Variants in POU5F1B observed in about 807,000 individuals in gnomAD.
POU5F1B encodes POU domain, class 5, transcription factor 1B.
Under a neutral mutation model 28.1 loss-of-function variants are expected in POU5F1B, and 24 were observed. That is an observed-to-expected ratio of 0.85 (90% confidence interval 0.62 to 1.20). The LOEUF is 1.20. POU5F1B is among the 50% of genes most tolerant of loss of function. The pLI is 0.00. For synonymous variants in POU5F1B, 220 were observed against 193.2 expected (o/e 1.14, Z -1.15); for missense variants, 451 against 451.5 (o/e 1.00, Z 0.01).
chr8:127,415,044 G>C (rs1438437330), intron 2 of POU5F1B: 1 of 152,282 alleles, frequency 6.6e-6, no homozygotes, highest in Non-Finnish European at 1.5e-5. Flanking sequence ...ATTTTGGAAA[G>C]TGGATCCTCC....
exon 3 of POU5F1B, chr8:127,416,467 C>A: frequency 1.2e-6 from 2 of 1,608,768 alleles, no homozygotes; most frequent in South Asian, 1.1e-5. Context: ...GTGTAAGCTG[C>A]GGCCCTTGCT....
At chr8:127,415,911 A>G in exon 3 of POU5F1B, 2 of 1,545,374 alleles carry the variant, frequency 1.3e-6, no homozygotes, top group Non-Finnish European at 1.7e-6. Flanking sequence ...CGCCCCCTCC[A>G]GGCGGTGGGG....
chr8:127,416,089 T>A, exon 3 of POU5F1B: 1 of 1,612,892 alleles, frequency 6.2e-7, no homozygotes, highest in South Asian at 1.1e-5. Context: ...GGGGATGGCG[T>A]ACTGTGGGCC....
chr8:127,416,100 T>G (rs1061396), exon 3 of POU5F1B: 1 of 1,613,210 alleles, frequency 6.2e-7, no homozygotes, highest in Admixed American at 1.7e-5. Context: ...ACTGTGGGCC[T>G]CAGGTTGGAG....
At chr8:127,415,194 T>A (rs1158062750) in intron 2 of POU5F1B, among the ~76,000 whole-genome samples, 1 of 152,212 alleles carries the variant, frequency 6.6e-6, no homozygotes, top group Non-Finnish European at 1.5e-5. Flanking sequence ...GTGTTAGTTG[T>A]TTTTAAGCTA....
exon 3 of POU5F1B, chr8:127,415,721 A>G: frequency 7.7e-7 from 1 of 1,303,312 alleles, no homozygotes; most frequent in South Asian, 1.8e-5. Context: ...TAACACATTC[A>G]GTCAACATTT....
chr8:127,416,227 G>A (rs1260178066), exon 3 of POU5F1B: 1 of 1,613,754 alleles, frequency 6.2e-7, no homozygotes, highest in African/African-American at 1.3e-5. Context: ...CCCCCCTGGT[G>A]CCGTGAAGCT....
At position 127,416,424 on chromosome 8, in the gene POU5F1B, C is replaced by T. The variant is rs769368694; in HGVS notation, c.558C>T (p.Arg186=). The change falls in exon 3 of 3, where the codon CGC becomes CGT. Residue 186 remains arginine (R), a synonymous_variant. Transcript: ENST00000465342. The stretch of plus-strand genomic sequence containing the variant: ...TGTTCAGCCAAAAGACCATCTGCCG[C>T]TTTGAGGCTCTGCAGCTTAGCTTCA... 419 of 1,608,158 alleles carry T rather than the reference C, an allele frequency of 2.6e-4. 1 individual carries two copies. Among genetic ancestry groups the T allele is most frequent in the Non-Finnish European group, 3.4e-4 (401 of 1,176,826 alleles).
chr8:127,416,529 C>G (rs769484945), exon 3 of POU5F1B: 3 of 1,609,196 alleles, frequency 1.9e-6, no homozygotes, highest in Non-Finnish European at 2.5e-6. Flanking sequence ...AGGAGATATG[C>G]AAAGCAGAAA....
rs912018257 is a variant in POU5F1B at position 127,415,807 on chromosome 8, T to C, written c.-60T>C. 8.2e-6 allele frequency: 12 copies of C among 1,462,266 alleles called. No homozygotes were observed. In the African/African-American group the frequency reaches 1.4e-4, roughly 17 times the overall value. 90.6% of individuals were successfully genotyped at this position (1,462,266 alleles called of 1,614,324 possible). On this transcript the variant is annotated 5_prime_UTR_variant, in exon 3 of 3. Transcript: ENST00000465342. Reference sequence around the variant, plus strand: ...AGCCATACGGTCACAGAGCTTTCAATGAAAAGTAACATAATTGCTCATTTC... The same window carrying C: ...AGCCATACGGTCACAGAGCTTTCAACGAAAAGTAACATAATTGCTCATTTC...
exon 3 of POU5F1B, chr8:127,416,990 C>G (rs1815156450): frequency 6.3e-7 from 1 of 1,575,216 alleles, no homozygotes; most frequent in Non-Finnish European, 8.6e-7. Context: ...AGGGGAGGAG[C>G]TAGGGAAAGA....
exon 3 of POU5F1B, chr8:127,416,914 A>T (rs571772325): frequency 6.2e-7 from 1 of 1,601,208 alleles, no homozygotes; most frequent in Non-Finnish European, 8.5e-7. Context: ...AGTCTCCGTC[A>T]TCACTCTGGG....
At chr8:127,416,307 G>A (rs1815137328) in exon 3 of POU5F1B, 1 of 1,613,604 alleles carries the variant, frequency 6.2e-7, no homozygotes, top group South Asian at 1.1e-5. Flanking sequence ...AAGAACTCGA[G>A]CAATTTGCCA....
chr8:127,416,222 C>CT lies in POU5F1B; in HGVS notation c.357dup (p.Gly120TrpfsTer69). On this transcript the variant is annotated frameshift_variant, in exon 3 of 3. Transcript: ENST00000465342. LOFTEE classifies it high-confidence loss of function. ...TCCCCGGAACCCTGCACCGTCCCCC[C>CT]TGGTGCCGTGAAGCTGGAGAAGGAG... 6.2e-7 allele frequency: 1 copy of CT among 1,613,878 alleles called. No individual in the cohort carries two copies. The highest frequency in any genetic ancestry group is 8.5e-7 in the Non-Finnish European group (1 of 1,179,824).
At chr8:127,415,786 A>G (rs1815121188) in exon 3 of POU5F1B, 2 of 1,455,204 alleles carry the variant, frequency 1.4e-6, no homozygotes, top group South Asian at 2.9e-5. Context: ...ACACACAGCC[A>G]TACGGTCACA....
rs1554608118 is a variant in POU5F1B, at chr8:127,413,880, A to AC, written c.-559-1008_-559-1007insC. Reference sequence around the variant, plus strand: ...GGTACACACACACACACACACACACAACACCCGATATAATACAATATTTTC... The same window carrying AC: ...GGTACACACACACACACACACACACACACACCCGATATAATACAATATTTTC... On this transcript the variant is annotated intron_variant, in intron 1 of 2. Transcript: ENST00000465342. Among the ~76,000 whole-genome samples the AC allele has an allele frequency of 2.7e-5, 4 of 150,364 alleles. No individual in the cohort carries two copies. In the East Asian group the frequency reaches 5.9e-4, roughly 22 times the overall value.
chr8:127,416,319 G>A (rs1204711828), exon 3 of POU5F1B: 14 of 1,613,434 alleles, frequency 8.7e-6, no homozygotes, highest in African/African-American at 1.3e-5. Flanking sequence ...AATTTGCCAA[G>A]CTCCTGAAGC....
exon 3 of POU5F1B, chr8:127,416,032 G>A: frequency 6.2e-7 from 1 of 1,605,082 alleles, no homozygotes. Flanking sequence ...GCCAGGCTCT[G>A]AGGTGTGGGG....
exon 3 of POU5F1B, chr8:127,416,911 G>A (rs931169399): frequency 5.0e-6 from 8 of 1,600,978 alleles, no homozygotes; most frequent in Non-Finnish European, 6.8e-6. Flanking sequence ...CCCAGTCTCC[G>A]TCATCACTCT....
Sources: allele counts gnomAD v4.1 joint callset (sites outside exome capture counted in the v4.1 genomes callset), GRCh38; gene constraint gnomAD v4.1.1; transcripts MANE v1.5; gene names NCBI Gene and HGNC (gene_info 2026-07-23, HGNC 2026-07-21).